EYA2: variants seen among roughly 807,000 people sequenced by gnomAD.
The protein encoded by EYA2 is EYA transcriptional coactivator and phosphatase 2.
Under a neutral mutation model 69.2 loss-of-function variants are expected in EYA2, and 31 were observed. That is an observed-to-expected ratio of 0.45 (90% confidence interval 0.34 to 0.60). The LOEUF is 0.60. Among genes scored for constraint, EYA2 ranks in the 20% least tolerant of loss-of-function variants. The pLI, the probability that EYA2 is intolerant of heterozygous loss-of-function variation, is 0.02. For synonymous variants in EYA2, 257 were observed against 279.4 expected, an observed-to-expected ratio of 0.92 and a Z score of 0.80; for missense variants, 622 against 701.2, an observed-to-expected ratio of 0.89 and a Z score of 1.28.
chr20:46,970,262 C>CT (rs1207795615), intron 1 of EYA2, among the ~76,000 whole-genome samples: 1 of 152,234 alleles, frequency 6.6e-6, no homozygotes, highest in African/African-American at 2.4e-5. Flanking sequence ...GAAAATTTCT[C>CT]TGTTTCCATT....
intron 1 of EYA2, among the ~76,000 whole-genome samples, chr20:46,957,651 C>T (rs1172774912): frequency 2.6e-5 from 4 of 151,552 alleles, no homozygotes; most frequent in African/African-American, 9.7e-5. Flanking sequence ...AGCCACAAAT[C>T]AAGGTTTGCT....
At chr20:46,934,817 T>G (rs1985838737) in intron 1 of EYA2, among the ~76,000 whole-genome samples, 1 of 152,142 alleles carries the variant, frequency 6.6e-6, no homozygotes, top group Non-Finnish European at 1.5e-5. Context: ...CACAAGGAAT[T>G]GGACCAGGAG....
At chr20:47,073,921 C>G (rs1311715845) in intron 6 of EYA2, among the ~76,000 whole-genome samples, 1 of 152,162 alleles carries the variant, frequency 6.6e-6, no homozygotes, top group East Asian at 1.9e-4. Flanking sequence ...GCAGGCTGCT[C>G]TCCCGCATCT....
rs1206769161 is a variant in EYA2, at chr20:47,004,982, A to G, written c.196A>G (p.Met66Val). ...RVLPRQPSTA[M>V]AAYGQTQYSA... is the part of the protein sequence containing the mutation. ...CCTCCCCCGCCAGCCTTCCACAGCCATGGCAGCCTACGGCCAGACGCAGTA... is the reference window on the plus strand; with the variant it reads ...CCTCCCCCGCCAGCCTTCCACAGCCGTGGCAGCCTACGGCCAGACGCAGTA... Residue 66 changes from methionine to valine, a missense_variant, in exon 4 of 16, where the codon ATG becomes GTG. Met to Val is a conservative substitution (Grantham distance 21). Around this residue, in one of 2 missense-constraint regions of EYA2, gnomAD observed 365 missense variants for 349.7 expected, o/e 1.04. Transcript: ENST00000327619. 3 of 1,614,020 alleles carry G rather than the reference A, an allele frequency of 1.9e-6. No individual in the cohort carries two copies. The highest frequency in any genetic ancestry group is 2.5e-6 in the Non-Finnish European group (3 of 1,180,024).
chr20:47,109,823 A>G (rs1350484206), intron 9 of EYA2, among the ~76,000 whole-genome samples: 1 of 152,184 alleles, frequency 6.6e-6, no homozygotes, highest in African/African-American at 2.4e-5. Context: ...TACTACTGGC[A>G]TCTAGTGGGT....
intron 9 of EYA2, among the ~76,000 whole-genome samples, chr20:47,119,844 A>C (rs527723705): frequency 6.6e-6 from 1 of 152,198 alleles, no homozygotes; most frequent in African/African-American, 2.4e-5. Context: ...AGGTGAGAGG[A>C]TAGCTTGAGC....
chr20:47,136,741 C>CAAA (rs11482117), intron 9 of EYA2, among the ~76,000 whole-genome samples: 207 of 108,154 alleles, frequency 1.9e-3, no homozygotes, highest in Admixed American at 3.0e-3. Context: ...GACCCTGTCT[C>CAAA]AAAAAAAAAA....
intron 5 of EYA2, among the ~76,000 whole-genome samples, chr20:47,067,233 GCAGTCAGGAGTCTT>G (rs1399228439): frequency 2.0e-5 from 3 of 152,168 alleles, no homozygotes. Flanking sequence ...AGAAAACACT[GCAGTCAGGAGTCTT>G]CTGAGACAGG....
At chr20:47,102,625 G>C (rs1274049273) in intron 9 of EYA2, among the ~76,000 whole-genome samples, 1 of 152,200 alleles carries the variant, frequency 6.6e-6, no homozygotes, top group African/African-American at 2.4e-5. Context: ...AAAATAGGTT[G>C]TTTGAATTTT....
intron 9 of EYA2, among the ~76,000 whole-genome samples, chr20:47,115,086 G>T (rs1174832633): frequency 6.6e-6 from 1 of 152,174 alleles, no homozygotes; most frequent in Non-Finnish European, 1.5e-5. Flanking sequence ...ATACTTTCGG[G>T]CATGCCGAGG....
chr20:47,005,070 G>T lies in EYA2; in HGVS notation c.284G>T (p.Gly95Val). ...TACCCACCTCCAGCACAAGCCTATGGAATCCCTTCCTACAGTGAGTAGTAA... is the reference window on the plus strand; with the variant it reads ...TACCCACCTCCAGCACAAGCCTATGTAATCCCTTCCTACAGTGAGTAGTAA... The part of the protein sequence containing the change: ...TAYPPPAQAY[G>V]IPSYSIKTED... Residue 95 changes from glycine (G) to valine (V), a missense_variant, in exon 4 of 16, where the codon GGA becomes GTA. Physicochemically the swap from Gly to Val is moderately radical, Grantham distance 109 (BLOSUM62 -3). Coordinates refer to ENST00000327619, the MANE Select transcript of EYA2 (RefSeq NM_005244.5). 6.2e-7 allele frequency: 1 copy of T among 1,613,668 alleles called. No individual in the cohort carries two copies.
chr20:46,963,530 T>A (rs542263232), intron 1 of EYA2, among the ~76,000 whole-genome samples: 1 of 152,246 alleles, frequency 6.6e-6, no homozygotes, highest in Non-Finnish European at 1.5e-5. Context: ...CTCAGTGCTC[T>A]GGAGGAAATA....
chr20:47,029,490 CTG>C (rs1230293821), intron 5 of EYA2, among the ~76,000 whole-genome samples: 4 of 152,194 alleles, frequency 2.6e-5, no homozygotes, highest in African/African-American at 9.6e-5. Flanking sequence ...GTTGACATAA[CTG>C]TATCTGCAGG....
intron 9 of EYA2, among the ~76,000 whole-genome samples, chr20:47,106,885 C>G (rs118046601): frequency 6.6e-6 from 1 of 152,094 alleles, no homozygotes; most frequent in Non-Finnish European, 1.5e-5. Context: ...CAGAGAGTAA[C>G]AACTCACATC....
chr20:46,902,335 A>C (rs1568659121), intron 1 of EYA2, among the ~76,000 whole-genome samples: 1 of 152,206 alleles, frequency 6.6e-6, no homozygotes, highest in Admixed American at 6.5e-5. Flanking sequence ...TTGAACACTT[A>C]TTATTTATTG....
intron 14 of EYA2, among the ~76,000 whole-genome samples, chr20:47,182,036 A>G (rs2034547099): frequency 6.6e-6 from 1 of 151,634 alleles, no homozygotes; most frequent in Non-Finnish European, 1.5e-5. Flanking sequence ...TTTTTTTAAG[A>G]TGGAGTTTCT....
intron 2 of EYA2, among the ~76,000 whole-genome samples, chr20:46,999,876 G>C (rs1206799): frequency 0.024 from 3,651 of 152,262 alleles, 150 homozygotes; most frequent in African/African-American, 0.082. Flanking sequence ...ATGGCATCGC[G>C]TGCTCAGAGC....
At chr20:47,110,671 C>CCAAT (rs1286521194) in intron 9 of EYA2, among the ~76,000 whole-genome samples, 4 of 152,222 alleles carry the variant, frequency 2.6e-5, no homozygotes, top group African/African-American at 9.7e-5. Context: ...CAGCTTTATC[C>CCAAT]CAATACCCAG....
intron 7 of EYA2, among the ~76,000 whole-genome samples, chr20:47,077,221 T>TG (rs2031549564): frequency 1.3e-5 from 2 of 152,230 alleles, no homozygotes; most frequent in Admixed American, 1.3e-4. Flanking sequence ...GAGCAACATG[T>TG]GGCAGAGTCC....
Sources: gnomAD v4.1 joint callset for allele counts (sites outside exome capture counted in the v4.1 genomes callset) on GRCh38, gnomAD v4.1.1 for gene constraint, gnomAD v4.1.1 regional missense constraint, MANE v1.5 for transcripts, NCBI Gene and HGNC (gene_info 2026-07-23, HGNC 2026-07-21) for gene names.